LTBP1: variants seen among roughly 807,000 people sequenced by gnomAD.
The protein encoded by LTBP1 is latent transforming growth factor beta binding protein 1, also known as latent-transforming growth factor beta-binding protein 1.
In LTBP1, 129 loss-of-function variants were observed where a neutral mutation model predicts 207.6. The observed-to-expected ratio is 0.62, with a 90% CI of 0.54 to 0.72. The LOEUF is 0.72. Ranked by LOEUF, LTBP1 falls within the 30% of genes least tolerant of loss-of-function variation. The pLI is 0.00. For synonymous variants in LTBP1, 963 were observed against 833.7 expected, an observed-to-expected ratio of 1.16 and a Z score of -2.67; for missense variants, 2,281 against 2,217.2, an observed-to-expected ratio of 1.03 and a Z score of -0.58.
At chr2:33,222,592 T>C (rs561514822) in intron 9 of LTBP1, among the ~76,000 whole-genome samples, 175 of 152,336 alleles carry the variant, frequency 1.1e-3, no homozygotes, top group African/African-American at 4.0e-3. Flanking sequence ...GAACTAGATA[T>C]CAGAGTAAAC....
intron 2 of LTBP1, among the ~76,000 whole-genome samples, chr2:32,976,637 G>A (rs373926612): frequency 1.3e-5 from 2 of 152,192 alleles, no homozygotes; most frequent in Non-Finnish European, 2.9e-5. Flanking sequence ...CCTTGGAGGA[G>A]GCCCCTCCAA....
chr2:33,044,703 C>T (rs187087136), intron 3 of LTBP1, among the ~76,000 whole-genome samples: 11 of 152,242 alleles, frequency 7.2e-5, no homozygotes, highest in Admixed American at 2.0e-4. Flanking sequence ...CTTCCACAAT[C>T]GTTTAACTAA....
At position 33,315,238 on chromosome 2, in the gene LTBP1, C is replaced by T. The variant is rs1203435344; in HGVS notation, c.3699C>T (p.Phe1233=). 6.2e-7 allele frequency: 1 copy of T among 1,613,480 alleles called. No individual in the cohort carries two copies. The highest frequency in any genetic ancestry group is 2.2e-5 in the East Asian group (1 of 44,856). Residue 1233 remains phenylalanine (F), a synonymous_variant, in exon 24 of 34, where the codon TTC becomes TTT. Coordinates refer to ENST00000404816, the MANE Select transcript of LTBP1 (RefSeq NM_206943.4). Reference sequence around the variant, plus strand: ...TCCATTGTGTCTGCCAGCAGGGTTTCTCAATCTCTGCAGATGGCCGTACGT... The same window carrying T: ...TCCATTGTGTCTGCCAGCAGGGTTTTTCAATCTCTGCAGATGGCCGTACGT... ...GSFHCVCQQG[F]SISADGRTCE...
At chr2:33,295,888 A>G (rs17012773) in intron 20 of LTBP1, among the ~76,000 whole-genome samples, 6,181 of 152,276 alleles carry the variant, frequency 0.041, 427 homozygotes, top group African/African-American at 0.13. Context: ...AGTAGGGAAC[A>G]TGCAGGCATC....
chr2:33,200,605 C>G (rs919430868), intron 7 of LTBP1, among the ~76,000 whole-genome samples: 14 of 152,166 alleles, frequency 9.2e-5, no homozygotes, highest in Non-Finnish European at 1.6e-4. Context: ...GCAATGGCAA[C>G]AAAAGCCAAA....
chr2:33,178,879 A>G (rs78302728), intron 5 of LTBP1, among the ~76,000 whole-genome samples: 2,250 of 152,172 alleles, frequency 0.015, 23 homozygotes, highest in East Asian at 0.027. Context: ...GTATGTTTCT[A>G]CATCTTCTGG....
chr2:33,312,077 A>G (rs1213106555), intron 23 of LTBP1, among the ~76,000 whole-genome samples: 2 of 152,126 alleles, frequency 1.3e-5, no homozygotes, highest in African/African-American at 4.8e-5. Flanking sequence ...CTCGTTTTGA[A>G]TTATCCCTTT....
intron 5 of LTBP1, among the ~76,000 whole-genome samples, chr2:33,157,595 C>T (rs939871090): frequency 1.3e-5 from 2 of 152,176 alleles, no homozygotes; most frequent in African/African-American, 2.4e-5. Flanking sequence ...GCTTCTGACT[C>T]CCATTGCATT....
intron 10 of LTBP1, 63 bp downstream of exon 10, chr2:33,243,847 A>G: frequency 3.8e-6 from 6 of 1,589,418 alleles, no homozygotes; most frequent in Non-Finnish European, 5.2e-6. Flanking sequence ...TTTCCAAAAG[A>G]ACGGAAATAC....
chr2:33,128,779 G>C (rs528470237), intron 4 of LTBP1, among the ~76,000 whole-genome samples: 35 of 152,302 alleles, frequency 2.3e-4, no homozygotes, highest in Middle Eastern at 3.4e-3. Flanking sequence ...TTAGGAGATT[G>C]GGTACATTGA....
At chr2:33,279,994 G>A in intron 18 of LTBP1, 45 bp from the exon 19 acceptor site, 1 of 1,606,386 alleles carries the variant, frequency 6.2e-7, no homozygotes. Flanking sequence ...ATTTTGCTTT[G>A]GTATTCTGAT....
chr2:33,019,724 A>C (rs144165058), intron 2 of LTBP1, among the ~76,000 whole-genome samples: 2,131 of 151,702 alleles, frequency 0.014, 146 homozygotes, highest in Admixed American at 0.13. Flanking sequence ...TCTCTTTTTA[A>C]ATTTTTAATT....
At position 32,948,869 on chromosome 2, in the gene LTBP1, T is replaced by A; in HGVS notation, c.495-6T>A. On this transcript the variant is annotated splice_polypyrimidine_tract_variant and splice_region_variant and intron_variant, in intron 1 of 33. Coordinates refer to ENST00000404816, the MANE Select transcript of LTBP1 (RefSeq NM_206943.4). ...TGCTGGACTCAGCGATCTTGCTTTG[T>A]TTCAGGGTCAATGTCTGTGGAGGGC... The A allele has an allele frequency of 6.2e-7, 1 of 1,614,058 alleles. No individual in the cohort carries two copies. Among genetic ancestry groups the A allele is most frequent in the Non-Finnish European group, 8.5e-7 (1 of 1,179,934 alleles).
In LTBP1 at chr2:33,144,262, C is replaced by T. The variant is rs565560766; in HGVS notation, c.1201+9302C>T. 2.6e-5 allele frequency among the ~76,000 whole-genome samples: 4 copies of T among 152,162 alleles called. No individual in the cohort carries two copies. The East Asian group carries it at 5.8e-4, about 22-fold the overall frequency. ...TCTTTACCCCTTCACTTTGGTGCTC[C>T]GGTAGGAGCGCACAGAAGGTTCTGT... On this transcript the variant is annotated intron_variant, in intron 5 of 33. Coordinates refer to ENST00000404816, the MANE Select transcript of LTBP1 (RefSeq NM_206943.4).
intron 4 of LTBP1, among the ~76,000 whole-genome samples, chr2:33,125,276 G>C (rs1645763743): frequency 6.6e-6 from 1 of 152,218 alleles, no homozygotes; most frequent in African/African-American, 2.4e-5. Flanking sequence ...CAAGCTTCTG[G>C]TGAACATCTC....
chr2:32,947,860 G>C, intron 1 of LTBP1, 42 bp downstream of exon 1: 1 of 1,273,384 alleles, frequency 7.9e-7, no homozygotes, highest in Non-Finnish European at 1.0e-6. Context: ...CGCCTCGCGC[G>C]CACCGCCCGC....
rs926351818 is a variant in LTBP1, at chr2:32,947,118, T to G, written c.-207T>G. 14 of 341,690 alleles carry G rather than the reference T, an allele frequency of 4.1e-5. No homozygotes were observed. Among genetic ancestry groups the G allele is most frequent in the African/African-American group, 2.8e-4 (13 of 46,164 alleles). 21.2% of individuals were successfully genotyped at this position (341,690 alleles called of 1,614,324 possible). A position where few individuals can be genotyped will look rare whatever the true frequency, so the allele number is the denominator to read the frequency against. ...CGCGCTCCCCACCCCCACGCCCTCC[T>G]CCTGCTCCCAGCCACAATCGGCCGG... On this transcript the variant is annotated 5_prime_UTR_variant, in exon 1 of 34. Transcript: ENST00000404816.
intron 3 of LTBP1, among the ~76,000 whole-genome samples, chr2:33,053,651 A>G (rs1206802453): frequency 6.6e-6 from 1 of 152,142 alleles, no homozygotes; most frequent in Non-Finnish European, 1.5e-5. Context: ...GAACCCCCAC[A>G]AACTGTTTTA....
intron 15 of LTBP1, among the ~76,000 whole-genome samples, chr2:33,271,299 A>ATTT (rs61361062): frequency 6.7e-6 from 1 of 149,002 alleles, no homozygotes. Context: ...TCACCTTCTA[A>ATTT]TTTTTTTTTT....
Sources: allele counts gnomAD v4.1 joint callset (sites outside exome capture counted in the v4.1 genomes callset), GRCh38; gene constraint gnomAD v4.1.1; transcripts MANE v1.5; gene names NCBI Gene and HGNC (gene_info 2026-07-23, HGNC 2026-07-21).